Variants in CRY1 observed in about 807,000 individuals in gnomAD.
CRY1 encodes the protein cryptochrome circadian regulator 1.
A neutral mutation model predicts 76.0 loss-of-function variants in CRY1; 45 were observed. The ratio of observed to expected loss-of-function variants is 0.59; its 90% CI spans 0.47 to 0.76. The LOEUF (loss-of-function observed/expected upper bound fraction) is 0.76. Ranked by LOEUF, CRY1 falls within the 30% of genes least tolerant of loss-of-function variation. CRY1 has a pLI of 0.00. For missense variants in CRY1, 587 were observed against 716.4 expected (o/e 0.82, Z 2.06); for synonymous variants, 248 against 244.0 (o/e 1.02, Z -0.15).
At chr12:107,000,352 CTCTT>C (rs1405914393) in intron 5 of CRY1, among the ~76,000 whole-genome samples, 1 of 151,782 alleles carries the variant, frequency 6.6e-6, no homozygotes, top group Non-Finnish European at 1.5e-5. Context: ...CAATCTCTCT[CTCTT>C]TTTTTTTTTT....
At chr12:107,021,686 G>A (rs1313659718) in intron 2 of CRY1, among the ~76,000 whole-genome samples, 1 of 151,932 alleles carries the variant, frequency 6.6e-6, no homozygotes, top group Non-Finnish European at 1.5e-5. Flanking sequence ...ACATGGATGT[G>A]TGTGTGTGTA....
chr12:107,075,290 C>T (rs1335059792), intron 1 of CRY1, among the ~76,000 whole-genome samples: 2 of 151,972 alleles, frequency 1.3e-5, no homozygotes, highest in African/African-American at 4.8e-5. Context: ...ATTTTCATCA[C>T]GTAATTTAAA....
intron 4 of CRY1, 146 bp from the exon 5 acceptor site, chr12:107,001,514 G>C (rs1364175100): frequency 8.3e-6 from 6 of 722,502 alleles, no homozygotes; most frequent in Non-Finnish European, 1.4e-5. Flanking sequence ...CTCACCTATA[G>C]AGGATATGAC....
At chr12:107,040,597 TC>T (rs960332752) in intron 1 of CRY1, among the ~76,000 whole-genome samples, 7 of 152,142 alleles carry the variant, frequency 4.6e-5, no homozygotes, top group Admixed American at 2.6e-4. Flanking sequence ...GATGAAAACT[TC>T]CTAAAAATCT....
intron 4 of CRY1, among the ~76,000 whole-genome samples, 157 bp downstream of exon 4, chr12:107,001,607 C>T (rs1340940304): frequency 6.6e-6 from 1 of 152,186 alleles, no homozygotes; most frequent in East Asian, 1.9e-4. Flanking sequence ...GATGAACAAA[C>T]ATATCACTTC....
chr12:107,046,010 C>T (rs1952844911), intron 1 of CRY1, among the ~76,000 whole-genome samples: 1 of 151,854 alleles, frequency 6.6e-6, no homozygotes, highest in Admixed American at 6.6e-5. Context: ...ACCTGTAGTC[C>T]CAGCTATTCA....
chr12:107,058,243 G>A (rs1037986310), intron 1 of CRY1, among the ~76,000 whole-genome samples: 2 of 151,922 alleles, frequency 1.3e-5, no homozygotes, highest in African/African-American at 2.4e-5. Context: ...AATGCAGAAC[G>A]TCCTCTTCCA....
intron 1 of CRY1, among the ~76,000 whole-genome samples, chr12:107,025,154 G>GA (rs1565828708): frequency 6.6e-6 from 1 of 152,222 alleles, no homozygotes; most frequent in African/African-American, 2.4e-5. Flanking sequence ...CCGTTAGGGA[G>GA]TGGGGGTTTG....
chr12:107,061,790 ATTTC>A (rs1264903298), intron 1 of CRY1, among the ~76,000 whole-genome samples: 1 of 152,140 alleles, frequency 6.6e-6, no homozygotes, highest in East Asian at 1.9e-4. Context: ...CATATCATTA[ATTTC>A]TTTCTCTAAA....
At chr12:107,085,487 A>G (rs1953387267) in intron 1 of CRY1, among the ~76,000 whole-genome samples, 1 of 152,206 alleles carries the variant, frequency 6.6e-6, no homozygotes, top group African/African-American at 2.4e-5. Flanking sequence ...GCAGCCATAA[A>G]AAAGAATGAG....
At chr12:107,072,768 TTCTTA>T (rs1480262657) in intron 1 of CRY1, among the ~76,000 whole-genome samples, 1 of 152,212 alleles carries the variant, frequency 6.6e-6, no homozygotes, top group Non-Finnish European at 1.5e-5. Flanking sequence ...AGTGTTGTAT[TTCTTA>T]TCTTCTTATG....
intron 1 of CRY1, among the ~76,000 whole-genome samples, chr12:107,084,279 C>T (rs937479988): frequency 7.2e-5 from 11 of 152,158 alleles, no homozygotes; most frequent in Non-Finnish European, 1.0e-4. Context: ...AGATTCAATG[C>T]TATTCCCATC....
intron 2 of CRY1, among the ~76,000 whole-genome samples, chr12:107,016,585 C>A (rs1952500256): frequency 6.6e-6 from 1 of 152,072 alleles, no homozygotes; most frequent in South Asian, 2.1e-4. Context: ...AATTTCCATC[C>A]ATCCATCCAT....
chr12:107,064,646 A>G (rs372189551), intron 1 of CRY1, among the ~76,000 whole-genome samples: 3 of 152,340 alleles, frequency 2.0e-5, no homozygotes, highest in South Asian at 4.1e-4. Flanking sequence ...AGAAATAGAA[A>G]TGGGCAGAAT....
At chr12:107,071,264 C>G (rs1360857016) in intron 1 of CRY1, among the ~76,000 whole-genome samples, 2 of 152,070 alleles carry the variant, frequency 1.3e-5, no homozygotes, top group Non-Finnish European at 2.9e-5. Flanking sequence ...TGGTAGCCTT[C>G]TATTTCTGGT....
intron 7 of CRY1, among the ~76,000 whole-genome samples, chr12:106,999,234 T>C (rs1232616105): frequency 6.6e-6 from 1 of 152,138 alleles, no homozygotes; most frequent in East Asian, 1.9e-4. Flanking sequence ...TAGTGAATTC[T>C]TTTCGTGATA....
intron 1 of CRY1, among the ~76,000 whole-genome samples, chr12:107,085,203 A>ACATCC (rs766756970): frequency 6.6e-6 from 1 of 152,368 alleles, no homozygotes; most frequent in South Asian, 2.1e-4. Flanking sequence ...GAACGCTTTT[A>ACATCC]CACTGTTGGT....
intron 1 of CRY1, among the ~76,000 whole-genome samples, chr12:107,088,640 G>C (rs1433180942): frequency 6.6e-6 from 1 of 152,166 alleles, no homozygotes; most frequent in East Asian, 1.9e-4. Context: ...ATAAATTCCT[G>C]TTGTTTATAA....
chr12:107,027,364 T>C (rs1244765339), intron 1 of CRY1, among the ~76,000 whole-genome samples: 1 of 152,192 alleles, frequency 6.6e-6, no homozygotes, highest in Non-Finnish European at 1.5e-5. Flanking sequence ...CCTTCTCCAA[T>C]TTGGCATATA....
Sources: allele counts gnomAD v4.1 joint callset (sites outside exome capture counted in the v4.1 genomes callset), GRCh38; gene constraint gnomAD v4.1.1; transcripts MANE v1.5; gene names NCBI Gene and HGNC (gene_info 2026-07-23, HGNC 2026-07-21).